PCDH15: variants seen among roughly 807,000 people sequenced by gnomAD.
The protein encoded by PCDH15 is protocadherin-15.
A neutral mutation model predicts 178.5 loss-of-function variants in PCDH15; 129 were observed. That is an observed-to-expected ratio of 0.72 (90% CI 0.63 to 0.84). The LOEUF is 0.84. PCDH15 is among the 40% of genes least tolerant of loss of function. The pLI is 0.00. For missense variants in PCDH15, 2,230 were observed against 2,099.9 expected (o/e 1.06, Z -1.21); for synonymous variants, 800 against 732.0 (o/e 1.09, Z -1.50).
intron 3 of PCDH15, among the ~76,000 whole-genome samples, chr10:54,846,446 C>T (rs1953513221): frequency 1.3e-5 from 2 of 151,958 alleles, no homozygotes; most frequent in East Asian, 3.9e-4. Flanking sequence ...TCATGTGTCT[C>T]TTTTATATTA....
chr10:53,870,409 AT>A (rs1445557916), intron 26 of PCDH15, among the ~76,000 whole-genome samples: 3 of 152,192 alleles, frequency 2.0e-5, no homozygotes, highest in South Asian at 2.1e-4. Context: ...ATTAAAAAAA[AT>A]AAAACCCTAT....
chr10:53,831,087 A>C (rs2132630983), intron 30 of PCDH15: 1 of 745,774 alleles, frequency 1.3e-6, no homozygotes, highest in Non-Finnish European at 2.5e-6. Flanking sequence ...ATTGAAAGAG[A>C]CCGAATTAGA....
intron 2 of PCDH15, among the ~76,000 whole-genome samples, chr10:54,586,077 A>C (rs1273811013): frequency 6.6e-6 from 1 of 152,176 alleles, no homozygotes. Flanking sequence ...CAGGAAAATT[A>C]GACCCAGTTT....
intron 2 of PCDH15, among the ~76,000 whole-genome samples, chr10:54,650,685 T>A (rs2135184603): frequency 6.6e-6 from 1 of 152,122 alleles, no homozygotes; most frequent in South Asian, 2.1e-4. Context: ...CTCACAATCG[T>A]GGTGGAAGAG....
At chr10:55,335,461 G>A (rs999691105) in intron 2 of PCDH15, among the ~76,000 whole-genome samples, 1 of 152,170 alleles carries the variant, frequency 6.6e-6, no homozygotes, top group African/African-American at 2.4e-5. Flanking sequence ...AAAATCATGT[G>A]ATATTTAAAA....
chr10:55,193,755 A>G (rs1840005517), intron 1 of PCDH15, among the ~76,000 whole-genome samples: 1 of 151,940 alleles, frequency 6.6e-6, no homozygotes, highest in South Asian at 2.1e-4. Context: ...GATGAGTTAA[A>G]TAACTTTTTG....
chr10:54,331,165 A>T (rs1318482447), intron 6 of PCDH15, among the ~76,000 whole-genome samples: 2 of 12,512 alleles, frequency 1.6e-4, no homozygotes, highest in Non-Finnish European at 4.1e-4. Context: ...AAACTCAATG[A>T]AAAAAAAAAA....
At chr10:55,588,446 A>G (rs2132128335) in intron 2 of PCDH15, among the ~76,000 whole-genome samples, 1 of 152,304 alleles carries the variant, frequency 6.6e-6, no homozygotes, top group African/African-American at 2.4e-5. Flanking sequence ...CAAAAATGAA[A>G]CAATTAAAAG....
At chr10:55,355,300 A>G (rs1845047566) in intron 2 of PCDH15, among the ~76,000 whole-genome samples, 1 of 151,988 alleles carries the variant, frequency 6.6e-6, no homozygotes, top group African/African-American at 2.4e-5. Flanking sequence ...GGTCACATAG[A>G]AAGAGTACAT....
chr10:53,823,200 G>A (rs372466739), intron 32 of PCDH15: 1 of 1,613,874 alleles, frequency 6.2e-7, no homozygotes, highest in African/African-American at 1.3e-5. Flanking sequence ...TTTTCTTGCA[G>A]ACTTCAGTTT....
intron 3 of PCDH15, among the ~76,000 whole-genome samples, chr10:54,490,428 T>C (rs1023584252): frequency 1.3e-5 from 2 of 151,936 alleles, no homozygotes; most frequent in East Asian, 3.9e-4. Flanking sequence ...CCAGCCTGGG[T>C]GACAGAGCAA....
intron 1 of PCDH15, among the ~76,000 whole-genome samples, chr10:54,714,773 T>A (rs921465126): frequency 3.9e-5 from 6 of 152,156 alleles, no homozygotes; most frequent in Non-Finnish European, 7.4e-5. Context: ...CTCCTGTTTT[T>A]ATTCCCAAAC....
chr10:55,337,584 A>G (rs1013535095), intron 2 of PCDH15, among the ~76,000 whole-genome samples: 1 of 152,214 alleles, frequency 6.6e-6, no homozygotes, highest in African/African-American at 2.4e-5. Flanking sequence ...TAAATTTTGT[A>G]TCAGGCATTC....
intron 2 of PCDH15, among the ~76,000 whole-genome samples, chr10:55,093,147 T>C (rs1207662437): frequency 6.6e-6 from 1 of 152,096 alleles, no homozygotes; most frequent in Non-Finnish European, 1.5e-5. Context: ...TATGAGGTAT[T>C]ATATGGTATC....
intron 26 of PCDH15, among the ~76,000 whole-genome samples, chr10:53,897,499 C>T (rs10825156): frequency 0.64 from 97,421 of 151,982 alleles, 32,369 homozygotes; most frequent in East Asian, 0.87. Context: ...AAGTGATGCC[C>T]TCTCTCCTCT....
At chr10:53,871,705 C>A (rs1396849989) in intron 26 of PCDH15, among the ~76,000 whole-genome samples, 1 of 151,662 alleles carries the variant, frequency 6.6e-6, no homozygotes, top group Non-Finnish European at 1.5e-5. Flanking sequence ...TCCAGCTCTC[C>A]TTTATTGCTT....
chr10:54,046,585 T>C (rs1043021046), intron 18 of PCDH15, among the ~76,000 whole-genome samples: 3 of 149,738 alleles, frequency 2.0e-5, no homozygotes, highest in Admixed American at 6.8e-5. Flanking sequence ...CTATAATGTT[T>C]ATAAATGCTT....
rs574826488 is a variant in PCDH15 at position 53,961,042 on chromosome 10, T to G, written c.3009+710A>C. ...AACAAAAGAGGGAATATGTTCTGTTTCATTAGTATTTGAAGAAAAGTAAAA... is the reference window on the plus strand; with the variant it reads ...AACAAAAGAGGGAATATGTTCTGTTGCATTAGTATTTGAAGAAAAGTAAAA... On this transcript the variant is annotated intron_variant, in intron 22 of 37. Transcript: ENST00000644397. Among the ~76,000 whole-genome samples, 12 of 152,284 alleles carry G rather than the reference T, an allele frequency of 7.9e-5. No homozygotes were observed. In the East Asian group the frequency reaches 2.1e-3, roughly 27 times the overall value.
chr10:53,960,206 T>C (rs1317339878), intron 22 of PCDH15, among the ~76,000 whole-genome samples: 1 of 152,208 alleles, frequency 6.6e-6, no homozygotes, highest in Non-Finnish European at 1.5e-5. Flanking sequence ...TAAATACACA[T>C]GATTTTATAG....
Sources: allele counts gnomAD v4.1 joint callset (sites outside exome capture counted in the v4.1 genomes callset), GRCh38; gene constraint gnomAD v4.1.1; transcripts MANE v1.5; gene names NCBI Gene and HGNC (gene_info 2026-07-23, HGNC 2026-07-21).